DOP1B: variants seen among roughly 807,000 people sequenced by gnomAD.
DOP1B encodes the protein protein DOP1B.
In DOP1B, 174 loss-of-function variants were observed where a neutral mutation model predicts 233.5. The ratio of observed to expected loss-of-function variants is 0.75; its 90% CI spans 0.66 to 0.85. DOP1B has a LOEUF of 0.85. DOP1B is among the 40% of genes least tolerant of loss of function. The probability of loss-of-function intolerance (pLI) is 0.00; values close to 1 mark genes in which losing one functional copy is unlikely to be tolerated. For missense variants in DOP1B, 2,652 were observed against 2,846.6 expected (o/e 0.93, Z 1.56); for synonymous variants, 1,190 against 1,185.6 (o/e 1.00, Z -0.08).
intron 2 of DOP1B, among the ~76,000 whole-genome samples, chr21:36,178,396 G>A (rs1325238414): frequency 6.6e-6 from 1 of 152,010 alleles, no homozygotes; most frequent in Non-Finnish European, 1.5e-5. Context: ...CTACTTGGGA[G>A]GCTGAGGTGG....
In DOP1B at chr21:36,199,246, G is replaced by A. The variant is rs372312417; in HGVS notation, c.315G>A (p.Leu105=). Residue 105 remains leucine (L), a synonymous_variant, in exon 3 of 37, where the codon CTG becomes CTA. Transcript: ENST00000691173. ...GTKWLAKDLF[L]YSCGLFPLLA... ...AATGGCTGGCCAAGGACTTGTTTCT[G>A]TACAGGTGCGATTGCTTCTCTGCTG... is the stretch of plus-strand genomic sequence containing the variant. 5 of 1,612,366 alleles carry A rather than the reference G, an allele frequency of 3.1e-6. No homozygotes were observed. In the South Asian group the frequency reaches 4.4e-5, roughly 14 times the overall value.
At chr21:36,286,972 A>G (rs2067492381) in intron 32 of DOP1B, among the ~76,000 whole-genome samples, 1 of 152,104 alleles carries the variant, frequency 6.6e-6, no homozygotes, top group Middle Eastern at 3.2e-3. Context: ...TCAAAAAAAA[A>G]AAAAATTTAT....
At chr21:36,191,070 T>G (rs1298707529) in intron 2 of DOP1B, among the ~76,000 whole-genome samples, 1 of 152,050 alleles carries the variant, frequency 6.6e-6, no homozygotes, top group Non-Finnish European at 1.5e-5. Flanking sequence ...TTAGAAGGAA[T>G]TTGAGAGCAA....
At chr21:36,265,508 GC>G (rs2067220815) in intron 26 of DOP1B, among the ~76,000 whole-genome samples, 1 of 152,230 alleles carries the variant, frequency 6.6e-6, no homozygotes, top group Admixed American at 6.5e-5. Context: ...CAATGCCGAT[GC>G]TGCACGTCCA....
At position 36,269,993 on chromosome 21, in the gene DOP1B, C is replaced by G; in HGVS notation, c.5488-20C>G. ...TTTCCTTAATTAACTTCCTTTCCCC[C>G]TCCTCCTGATAATTCTCAGGAAATC... On this transcript the variant is annotated intron_variant, in intron 26 of 36. Coordinates refer to ENST00000691173, the MANE Select transcript of DOP1B (RefSeq NM_001320714.2). 1 of 1,613,172 alleles carries G rather than the reference C, an allele frequency of 6.2e-7. No individual in the cohort carries two copies. Among genetic ancestry groups the G allele is most frequent in the South Asian group, 1.1e-5 (1 of 91,036 alleles).
chr21:36,217,791 C>G (rs2066577676), intron 9 of DOP1B, among the ~76,000 whole-genome samples: 1 of 152,070 alleles, frequency 6.6e-6, no homozygotes, highest in Non-Finnish European at 1.5e-5. Flanking sequence ...TGATTTAGTC[C>G]AAAAAGTGGA....
In DOP1B at chr21:36,219,531, T is replaced by C. The variant is rs527708805; in HGVS notation, c.1250+39T>C. The C allele has an allele frequency of 3.7e-5, 59 of 1,592,482 alleles. 1 individual carries two copies. In the Middle Eastern group the frequency reaches 6.7e-4, roughly 18 times the overall value. On this transcript the variant is annotated intron_variant, in intron 10 of 36. Coordinates refer to ENST00000691173, the MANE Select transcript of DOP1B (RefSeq NM_001320714.2). ...CTTGAACCTCACGCATCTCTCTCCC[T>C]CCCCGGTACTGTGATTTTTTTTTTC...
chr21:36,170,210 T>G, intron 2 of DOP1B: 1 of 410,996 alleles, frequency 2.4e-6, no homozygotes. Context: ...GGTAGAGCTC[T>G]CCCTGTGGTT....
chr21:36,187,247 A>G (rs2066175569), intron 2 of DOP1B, among the ~76,000 whole-genome samples: 1 of 134,404 alleles, frequency 7.4e-6, no homozygotes, highest in Non-Finnish European at 1.6e-5. Context: ...AGGGTGCTTG[A>G]CTGTGGCCAG....
chr21:36,199,231 C>G lies in DOP1B; in HGVS notation c.300C>G (p.Ala100=), dbSNP rs1448942622. 6.2e-7 allele frequency: 1 copy of G among 1,613,804 alleles called. No homozygotes were observed. Among genetic ancestry groups the G allele is most frequent in the Non-Finnish European group, 8.5e-7 (1 of 1,179,968 alleles). ...AAATCGTGGGGACCAAATGGCTGGC[C>G]AAGGACTTGTTTCTGTACAGGTGCG... The part of the protein sequence containing the change: ...IFKIVGTKWL[A]KDLFLYSCGL... The change falls in exon 3 of 37, where the codon GCC becomes GCG. Residue 100 remains alanine (A), a synonymous_variant. Transcript: ENST00000691173.
chr21:36,200,305 C>A, intron 3 of DOP1B, 26 bp from the exon 4 acceptor site: 1 of 1,553,134 alleles, frequency 6.4e-7, no homozygotes, highest in South Asian at 1.2e-5. Flanking sequence ...TATTTCTGCC[C>A]CGCTCCCTCT....
intron 10 of DOP1B, among the ~76,000 whole-genome samples, chr21:36,222,347 G>A (rs2066634913): frequency 6.6e-6 from 1 of 151,894 alleles, no homozygotes; most frequent in Non-Finnish European, 1.5e-5. Context: ...GGGAGGCTGA[G>A]GCAGGTGGAT....
Position 36,240,003 on chromosome 21 carries a change from G to T in DOP1B, c.3067+48G>T, listed in dbSNP as rs761538452. On this transcript the variant is annotated intron_variant, in intron 18 of 36. Coordinates refer to ENST00000691173, the MANE Select transcript of DOP1B (RefSeq NM_001320714.2). ...GAGGGTGAGGGAGGAATGGGTGGGG[G>T]GACTGGACCTCAGCAGTGATAGCTG... 10 of 1,552,682 alleles carry T rather than the reference G, an allele frequency of 6.4e-6. No individual in the cohort carries two copies. The South Asian group carries it at 8.4e-5, about 13-fold the overall frequency.
chr21:36,208,866 G>C lies in DOP1B; in HGVS notation c.643G>C (p.Glu215Gln). The C allele has an allele frequency of 6.4e-7, 1 of 1,563,898 alleles. No homozygotes were observed. The highest frequency in any genetic ancestry group is 8.7e-7 in the Non-Finnish European group (1 of 1,155,158). The change falls in exon 5 of 37, where the codon GAG becomes CAG. Residue 215 changes from glutamate to glutamine, a missense_variant. Physicochemically the swap from Glu to Gln is conservative, Grantham distance 29 (BLOSUM62 2). Around this residue, in one of 3 missense-constraint regions of DOP1B, gnomAD observed 2,617 missense variants for 2,794.3 expected, o/e 0.94. Coordinates refer to ENST00000691173, the MANE Select transcript of DOP1B (RefSeq NM_001320714.2). ...GHINRDAPGREQKYMLGTNHQ... is the reference protein window; with the variant it reads ...GHINRDAPGRQQKYMLGTNHQ... ...CATCAACAGGGATGCCCCCGGCCGGGAGCAGAAGTACATGCTGGGGACCAA... is the reference window on the plus strand; with the variant it reads ...CATCAACAGGGATGCCCCCGGCCGGCAGCAGAAGTACATGCTGGGGACCAA...
chr21:36,219,031 G>C (rs780812172), intron 9 of DOP1B, among the ~76,000 whole-genome samples: 11 of 152,212 alleles, frequency 7.2e-5, no homozygotes, highest in Non-Finnish European at 1.5e-4. Flanking sequence ...CTTTGGGCAA[G>C]TTACTTAACC....
intron 18 of DOP1B, among the ~76,000 whole-genome samples, chr21:36,240,626 C>T (rs2066882859): frequency 6.6e-6 from 1 of 151,934 alleles, no homozygotes; most frequent in Admixed American, 6.6e-5. Flanking sequence ...AGAAATAAAC[C>T]TTTCAGTTCA....
rs1316795223 is a variant in DOP1B, at chr21:36,258,539, C to T, written c.5260-2138C>T. Among the ~76,000 whole-genome samples, 3 of 152,012 alleles carry T rather than the reference C, an allele frequency of 2.0e-5. 1 individual carries two copies. The highest frequency in any genetic ancestry group is 4.4e-5 in the Non-Finnish European group (3 of 67,998). The stretch of plus-strand genomic sequence containing the variant: ...AATGAACTGCAGATGAATCGGAAGA[C>T]TTTTTTTTCAGCCATTTTTTTCAGC... On this transcript the variant is annotated intron_variant, in intron 23 of 36. Transcript: ENST00000691173.
intron 21 of DOP1B, 119 bp from the exon 22 acceptor site, chr21:36,251,043 A>T: frequency 7.2e-7 from 1 of 1,387,766 alleles, no homozygotes; most frequent in Non-Finnish European, 9.6e-7. Context: ...TCAGCACAAC[A>T]TTGGGCACAA....
chr21:36,245,685 C>T lies in DOP1B; in HGVS notation c.3705C>T (p.Tyr1235=), dbSNP rs749326433. The T allele has an allele frequency of 3.5e-5, 56 of 1,613,642 alleles. No homozygotes were observed. The East Asian group carries it at 4.0e-4, about 12-fold the overall frequency. ...FKHILLYLQP[Y]DSRRVLYAFS... ...ACATCCTGCTCTACCTGCAGCCCTA[C>T]GACTCTCGGCGGGTCCTCTATGCCT... The change falls in exon 19 of 37, where the codon TAC becomes TAT. Residue 1235 remains tyrosine, a synonymous_variant. Coordinates refer to ENST00000691173, the MANE Select transcript of DOP1B (RefSeq NM_001320714.2). This position sits in a 1 kb window ranked among gnomAD's most constrained non-coding sequence, Gnocchi z 5.5.
Sources: allele counts gnomAD v4.1 joint callset (sites outside exome capture counted in the v4.1 genomes callset), GRCh38; gene constraint gnomAD v4.1.1; regional missense constraint gnomAD v4.1.1; non-coding constraint Gnocchi (gnomAD v3.1); transcripts MANE v1.5; gene names NCBI Gene and HGNC (gene_info 2026-07-23, HGNC 2026-07-21).